Variants in MTUS2 observed in about 807,000 individuals in gnomAD.
The protein encoded by MTUS2 is microtubule associated scaffold protein 2.
In MTUS2, 40 loss-of-function variants were observed where a neutral mutation model predicts 114.1. The observed-to-expected ratio is 0.35, with a 90% CI of 0.27 to 0.46. The LOEUF (loss-of-function observed/expected upper bound fraction) is 0.46. MTUS2 is among the 20% of genes least tolerant of loss of function. The pLI is 1.00. For synonymous variants in MTUS2, 688 were observed against 672.0 expected (o/e 1.02, Z -0.37); for missense variants, 1,679 against 1,705.4 (o/e 0.98, Z 0.27).
Position 29,026,805 on chromosome 13 carries a change from C to T in MTUS2, c.2107C>T (p.Leu703=). The change falls in exon 3 of 16, where the codon CTG becomes TTG. Residue 703 remains leucine (L), a synonymous_variant. Coordinates refer to ENST00000612955, the MANE Select transcript of MTUS2 (RefSeq NM_001033602.4). ...ANLYEKFKPD[L]QKPRVFSSGL... is the part of the protein sequence containing the mutation. ...CCTCTATGAGAAATTCAAGCCAGAC[C>T]TGCAGAAGCCAAGGGTCTTCAGTTC... 6 of 1,612,918 alleles carry T rather than the reference C, an allele frequency of 3.7e-6. No individual in the cohort carries two copies. Among genetic ancestry groups the T allele is most frequent in the South Asian group, 1.1e-5 (1 of 91,082 alleles).
At chr13:29,158,358 C>CCCCCCCCCCCCCTCCTTT in intron 5 of MTUS2, among the ~76,000 whole-genome samples, 1 of 32,048 alleles carries the variant, frequency 3.1e-5, no homozygotes, top group African/African-American at 2.1e-4. Flanking sequence ...GTCCACCCCG[C>CCCCCCCCCCCCCTCCTTT]TTTTTTTTTT....
chr13:29,019,650 A>G (rs181310227), intron 2 of MTUS2, among the ~76,000 whole-genome samples: 111 of 152,304 alleles, frequency 7.3e-4, no homozygotes, highest in Admixed American at 2.3e-3. Context: ...TGGTGTTTTA[A>G]TTAATGATGT....
intron 9 of MTUS2, among the ~76,000 whole-genome samples, chr13:29,479,756 T>C (rs1432011212): frequency 6.6e-6 from 1 of 152,200 alleles, no homozygotes; most frequent in Non-Finnish European, 1.5e-5. Flanking sequence ...CCTCATGGGC[T>C]CTGATTCACC....
At chr13:29,189,039 A>G (rs550016572) in intron 5 of MTUS2, among the ~76,000 whole-genome samples, 9 of 152,346 alleles carry the variant, frequency 5.9e-5, no homozygotes, top group African/African-American at 2.2e-4. Flanking sequence ...TGGGATAAGA[A>G]GTAGATCAGC....
Position 29,481,453 on chromosome 13 carries a change from C to G in MTUS2, c.3399+1089C>G, listed in dbSNP as rs142821318. On this transcript the variant is annotated intron_variant, in intron 10 of 15. Coordinates refer to ENST00000612955, the MANE Select transcript of MTUS2 (RefSeq NM_001033602.4). ...GCTCCGATGGCTTCGTCCCCACCCT[C>G]TAATTGGTGTGTTGCTTTATATAGT... Among the ~76,000 whole-genome samples, 18 of 152,284 alleles carry G rather than the reference C, an allele frequency of 1.2e-4. 1 individual carries two copies. The East Asian group carries it at 2.5e-3, about 21-fold the overall frequency.
rs534446411 is a variant in MTUS2, at chr13:29,162,738, C to A, written c.2644+61768C>A. ...CCACATGAGTCTAATTCAGAGCATC[C>A]GTGCACTTGCTAACAAAGCACTTTC... On this transcript the variant is annotated intron_variant, in intron 5 of 15. Coordinates refer to ENST00000612955, the MANE Select transcript of MTUS2 (RefSeq NM_001033602.4). 6.6e-5 allele frequency among the ~76,000 whole-genome samples: 10 copies of A among 152,314 alleles called. No homozygotes were observed. In the South Asian group the frequency reaches 2.1e-3, roughly 32 times the overall value.
At chr13:28,969,135 G>A (rs1287131878) in intron 2 of MTUS2, among the ~76,000 whole-genome samples, 1 of 152,080 alleles carries the variant, frequency 6.6e-6, no homozygotes, top group African/African-American at 2.4e-5. Context: ...TTGAACTTCT[G>A]GGCTCAGGTA....
intron 9 of MTUS2, among the ~76,000 whole-genome samples, chr13:29,470,980 G>A (rs1036896027): frequency 2.0e-5 from 3 of 151,970 alleles, no homozygotes; most frequent in Non-Finnish European, 2.9e-5. Context: ...CCCTTTCCCC[G>A]GTCTTTCCCT....
chr13:28,973,301 C>A (rs1253841000), intron 2 of MTUS2, among the ~76,000 whole-genome samples: 1 of 152,082 alleles, frequency 6.6e-6, no homozygotes, highest in Non-Finnish European at 1.5e-5. Context: ...GAGAGGTATC[C>A]TACAGGCTGT....
chr13:29,428,296 G>A (rs1024049847), intron 8 of MTUS2, among the ~76,000 whole-genome samples: 8 of 152,272 alleles, frequency 5.3e-5, no homozygotes, highest in African/African-American at 1.9e-4. Context: ...AAAAATAGGA[G>A]CTAGGATTGC....
rs1057468324 is a variant in MTUS2, at chr13:29,487,509, C to A, written c.3400-391C>A. 3.7e-5 allele frequency: 8 copies of A among 216,140 alleles called. No individual in the cohort carries two copies. In the South Asian group the frequency reaches 6.4e-4, roughly 17 times the overall value. The allele number at this position is 216,140 out of a possible 1,614,324, so 13.4% of individuals were successfully genotyped here. A position where few individuals can be genotyped will look rare whatever the true frequency, so the allele number is the denominator to read the frequency against. On this transcript the variant is annotated intron_variant, in intron 10 of 15. Coordinates refer to ENST00000612955, the MANE Select transcript of MTUS2 (RefSeq NM_001033602.4). ...CGTTCCCTCCACTTACCTTGTGTAC[C>A]GTAGCTCCCCCTGCCACTGGGAAAC...
At chr13:28,907,611 G>A (rs957780187) in intron 2 of MTUS2, among the ~76,000 whole-genome samples, 9 of 151,160 alleles carry the variant, frequency 6.0e-5, no homozygotes, top group Non-Finnish European at 1.3e-4. Flanking sequence ...TCCTAGTCTC[G>A]GATAAAACAG....
intron 2 of MTUS2, among the ~76,000 whole-genome samples, chr13:28,941,945 A>G (rs1181802029): frequency 6.6e-6 from 1 of 152,186 alleles, no homozygotes; most frequent in Admixed American, 6.6e-5. Flanking sequence ...TCAAATGTTG[A>G]TGCATTTCAT....
chr13:28,940,058 C>G (rs1882141691), intron 2 of MTUS2, among the ~76,000 whole-genome samples: 1 of 152,132 alleles, frequency 6.6e-6, no homozygotes, highest in Non-Finnish European at 1.5e-5. Context: ...TGGTTCCCTC[C>G]CATGACACGT....
chr13:29,070,966 G>A (rs749644262), intron 4 of MTUS2, among the ~76,000 whole-genome samples: 14 of 135,050 alleles, frequency 1.0e-4, no homozygotes, highest in Non-Finnish European at 2.1e-4. Flanking sequence ...TGCCTTCTTG[G>A]CTTCTGATTG....
intron 2 of MTUS2, among the ~76,000 whole-genome samples, chr13:29,018,330 T>C (rs898898613): frequency 6.6e-6 from 1 of 152,216 alleles, no homozygotes; most frequent in Non-Finnish European, 1.5e-5. Context: ...GGCACCGTGG[T>C]GGATCCAGTG....
At position 28,935,013 on chromosome 13, in the gene MTUS2, T is replaced by G. The variant is rs867796345; in HGVS notation, c.-242-89444T>G. On this transcript the variant is annotated intron_variant, in intron 2 of 15. Coordinates refer to ENST00000612955, the MANE Select transcript of MTUS2 (RefSeq NM_001033602.4). Reference sequence around the variant, plus strand: ...TTGTTTCATCTCCATAGCGTTTTTTTTTTTTTTTTTTTTTTTTTTTGCCCA... The same window carrying G: ...TTGTTTCATCTCCATAGCGTTTTTTGTTTTTTTTTTTTTTTTTTTTGCCCA... 6.3e-5 allele frequency among the ~76,000 whole-genome samples: 9 copies of G among 142,858 alleles called. No individual in the cohort carries two copies. The East Asian group carries it at 1.0e-3, about 16-fold the overall frequency. The allele number at this position is 142,858 out of a possible 152,430, so 93.7% of individuals were successfully genotyped here.
Position 29,281,563 on chromosome 13 carries a change from T to C in MTUS2, c.2645-141T>C, listed in dbSNP as rs1435985184. On this transcript the variant is annotated intron_variant, in intron 5 of 15. Coordinates refer to ENST00000612955, the MANE Select transcript of MTUS2 (RefSeq NM_001033602.4). ...TTTTCCACATAGGGTTCCAGAAAAA[T>C]ACTTTTCAAGGTCACTCACTAAGAA... 7 of 889,646 alleles carry C rather than the reference T, an allele frequency of 7.9e-6. No homozygotes were observed. The East Asian group carries it at 8.2e-5, about 10-fold the overall frequency. The allele number at this position is 889,646 out of a possible 1,614,324, so 55.1% of individuals were successfully genotyped here.
intron 8 of MTUS2, among the ~76,000 whole-genome samples, chr13:29,377,673 G>A (rs940705527): frequency 1.8e-4 from 27 of 151,830 alleles, no homozygotes; most frequent in African/African-American, 6.3e-4. Flanking sequence ...TGAAAAAGAA[G>A]AAAGACTCAA....
Sources: allele counts gnomAD v4.1 joint callset (sites outside exome capture counted in the v4.1 genomes callset), GRCh38; gene constraint gnomAD v4.1.1; transcripts MANE v1.5; gene names NCBI Gene and HGNC (gene_info 2026-07-23, HGNC 2026-07-21).